BTNL2: variants seen among roughly 807,000 people sequenced by gnomAD.
BTNL2 encodes butyrophilin like 2.
A neutral mutation model predicts 46.8 loss-of-function variants in BTNL2; 46 were observed. The ratio of observed to expected loss-of-function variants is 0.98; its 90% CI spans 0.78 to 1.26. The LOEUF (loss-of-function observed/expected upper bound fraction) is 1.26, where lower values mean the gene tolerates loss of function less well. Ranked by LOEUF, BTNL2 falls within the 50% of genes most tolerant of loss-of-function variation. BTNL2 has a pLI of 0.00. For missense variants in BTNL2, 461 were observed against 592.6 expected (o/e 0.78, Z 2.31); for synonymous variants, 226 against 229.1 (o/e 0.99, Z 0.12).
At chr6:32,398,965 T>C (rs1309122379) in intron 4 of BTNL2, among the ~76,000 whole-genome samples, 1 of 152,274 alleles carries the variant, frequency 6.6e-6, no homozygotes. Context: ...ATGTGCAGGA[T>C]GTGCAGGTTT....
At position 32,396,800 on chromosome 6, in the gene BTNL2, G is replaced by A. The variant is rs569684341; in HGVS notation, c.731-414C>T. On this transcript the variant is annotated intron_variant, in intron 4 of 7. Transcript: ENST00000454136. This position sits in a 1 kb window ranked among gnomAD's most constrained non-coding sequence, Gnocchi z 4.4. Reference sequence around the variant, plus strand: ...GTTCAAGACCAGCCTGGCCAACATGGTGAAACCCCGTCTCTACAGAAATAC... The same window carrying A: ...GTTCAAGACCAGCCTGGCCAACATGATGAAACCCCGTCTCTACAGAAATAC... Among the ~76,000 whole-genome samples the A allele has an allele frequency of 6.6e-6, 1 of 152,030 alleles. No homozygotes were observed. Among genetic ancestry groups the A allele is most frequent in the East Asian group, 2.0e-4 (1 of 5,068 alleles).
At chr6:32,400,388 G>A (rs1032931923) in intron 4 of BTNL2, among the ~76,000 whole-genome samples, 2 of 152,130 alleles carry the variant, frequency 1.3e-5, no homozygotes, top group South Asian at 4.1e-4. Flanking sequence ...ACTTGATGGA[G>A]AGCAAGGAAT....
At chr6:32,406,973 T>C (rs569853075) in intron 1 of BTNL2, 72 bp downstream of exon 1, 1 of 1,433,990 alleles carries the variant, frequency 7.0e-7, no homozygotes, top group South Asian at 1.2e-5. Context: ...TTAGATGTTG[T>C]TCTCGACCTT....
intron 2 of BTNL2, among the ~76,000 whole-genome samples, chr6:32,404,335 A>C (rs73400869): frequency 3.3e-5 from 5 of 152,050 alleles, no homozygotes; most frequent in African/African-American, 9.7e-5. Context: ...CTTCTTCCCT[A>C]CTCCTTCCTG....
At position 32,407,012 on chromosome 6, in the gene BTNL2, A is replaced by G. The variant is rs1395642419; in HGVS notation, c.79+33T>C. The G allele has an allele frequency of 2.5e-6, 4 of 1,598,876 alleles. No individual in the cohort carries two copies. The African/African-American group carries it at 5.4e-5, about 21-fold the overall frequency. ...ACCCAGACTAGCTCACTGGGACATT[A>G]GACTATACAGTAAAGGGAGAAGGGA... is the stretch of plus-strand genomic sequence containing the variant. On this transcript the variant is annotated intron_variant, in intron 1 of 7. Coordinates refer to ENST00000454136, the MANE Select transcript of BTNL2 (RefSeq NM_001304561.2).
Position 32,405,012 on chromosome 6 carries a change from G to A in BTNL2, c.354C>T (p.Asp118=), listed in dbSNP as rs1190547172. Residue 118 remains aspartate (D), a synonymous_variant, in exon 2 of 8, where the codon GAC becomes GAT. Transcript: ENST00000454136. ...ALKIHNIQPS[D]NGQYWCHFQD... ...GGAAATGGCACCAGTATTGTCCATT[G>A]TCGGAGGGCTGGATGTTGTGTATCT... The A allele has an allele frequency of 3.1e-6, 5 of 1,613,076 alleles. No individual in the cohort carries two copies. In the East Asian group the frequency reaches 1.1e-4, roughly 36 times the overall value.
intron 1 of BTNL2, chr6:32,406,206 T>C (rs1162634449): frequency 1.3e-5 from 2 of 152,328 alleles, no homozygotes; most frequent in African/African-American, 2.4e-5. Context: ...AGAGCCTAAG[T>C]GGAGATCTGC....
intron 2 of BTNL2, 100 bp from the exon 3 acceptor site, chr6:32,403,316 G>C: frequency 7.4e-7 from 1 of 1,350,436 alleles, no homozygotes. Flanking sequence ...GGTGGCCGGA[G>C]TTCAGGAGTC....
chr6:32,401,025 G>A lies in BTNL2; in HGVS notation c.730+760C>T, dbSNP rs1190869532. Among the ~76,000 whole-genome samples, 2 of 139,542 alleles carry A rather than the reference G, an allele frequency of 1.4e-5. 1 individual carries two copies. Among genetic ancestry groups the A allele is most frequent in the Admixed American group, 1.5e-4 (2 of 13,536 alleles). 91.5% of individuals were successfully genotyped at this position (139,542 alleles called of 152,430 possible). ...AGATCGAGACCATCCTGGCTAACACGGTGAAATCTCGTCTCTACTAAAAAT... is the reference window on the plus strand; with the variant it reads ...AGATCGAGACCATCCTGGCTAACACAGTGAAATCTCGTCTCTACTAAAAAT... On this transcript the variant is annotated intron_variant, in intron 4 of 7. Coordinates refer to ENST00000454136, the MANE Select transcript of BTNL2 (RefSeq NM_001304561.2).
In BTNL2 at chr6:32,403,223, A is replaced by G; in HGVS notation, c.428-7T>C. ...CTAGGGGCAGACCCCAGACCTGCAG[A>G]GGGAAGCCACAGCTCTGACACCCAG... On this transcript the variant is annotated splice_region_variant and splice_polypyrimidine_tract_variant and intron_variant, in intron 2 of 7. Coordinates refer to ENST00000454136, the MANE Select transcript of BTNL2 (RefSeq NM_001304561.2). 1 of 1,596,012 alleles carries G rather than the reference A, an allele frequency of 6.3e-7. No individual in the cohort carries two copies. Among genetic ancestry groups the G allele is most frequent in the African/African-American group, 1.3e-5 (1 of 74,582 alleles).
chr6:32,401,735 G>T, intron 4 of BTNL2, 50 bp downstream of exon 4: 1 of 1,556,114 alleles, frequency 6.4e-7, no homozygotes, highest in Non-Finnish European at 8.8e-7. Context: ...CCCTCTGCTG[G>T]GGAGGGCAGA....
At chr6:32,397,680 A>G (rs2150311640) in intron 4 of BTNL2, among the ~76,000 whole-genome samples, 1 of 152,342 alleles carries the variant, frequency 6.6e-6, no homozygotes, top group Non-Finnish European at 1.5e-5. Flanking sequence ...GTTGAACAAA[A>G]TAGTTTGCAT....
At position 32,397,830 on chromosome 6, in the gene BTNL2, T is replaced by C. The variant is rs552219087; in HGVS notation, c.731-1444A>G. The stretch of plus-strand genomic sequence containing the variant: ...GTCTCATGTGGACTTTTGGTAATGA[T>C]ATTTGAAGAAGCTTTCCTCTAGGTG... On this transcript the variant is annotated intron_variant, in intron 4 of 7. Coordinates refer to ENST00000454136, the MANE Select transcript of BTNL2 (RefSeq NM_001304561.2). Among the ~76,000 whole-genome samples the C allele has an allele frequency of 8.9e-4, 136 of 152,328 alleles. 1 individual carries two copies. Among genetic ancestry groups the C allele is most frequent in the African/African-American group, 2.9e-3 (120 of 41,574 alleles).
At chr6:32,405,807 GTT>G (rs56858224) in intron 1 of BTNL2, among the ~76,000 whole-genome samples, 18,483 of 127,862 alleles carry the variant, frequency 0.14, 1,361 homozygotes, top group East Asian at 0.36. Flanking sequence ...TATAAAAACT[GTT>G]TTTTTTTTGT....
chr6:32,395,342 T>C (rs550462634), intron 5 of BTNL2, among the ~76,000 whole-genome samples: 2 of 152,326 alleles, frequency 1.3e-5, no homozygotes, highest in African/African-American at 2.4e-5. Flanking sequence ...AGGATTAACA[T>C]ACGGAGTAGG....
At chr6:32,402,448 T>TC (rs58781472) in intron 3 of BTNL2, among the ~76,000 whole-genome samples, 2,602 of 152,196 alleles carry the variant, frequency 0.017, 70 homozygotes, top group East Asian at 0.1. Flanking sequence ...AATATCTTTT[T>TC]ATTAATGCTA....
At chr6:32,400,357 T>C (rs117265450) in intron 4 of BTNL2, among the ~76,000 whole-genome samples, 2,667 of 152,210 alleles carry the variant, frequency 0.018, 79 homozygotes, top group East Asian at 0.11. Context: ...CACACATGGA[T>C]ACACATTCCT....
chr6:32,394,800 C>G lies in BTNL2; in HGVS notation c.1304G>C (p.Cys435Ser). The stretch of plus-strand genomic sequence containing the variant: ...GCCCAAAAAGGGGATGCTGATGGAA[C>G]AAGTGACGTCCACAGCGGAGATGTT... ...VTNISAVDVT[C>S]SISIPFLGEE... Residue 435 changes from cysteine to serine, a missense_variant, in exon 6 of 8, where the codon TGT (cysteine) becomes TCT (serine). Physicochemically the swap from Cys to Ser is moderately radical, Grantham distance 112. Coordinates refer to ENST00000454136, the MANE Select transcript of BTNL2 (RefSeq NM_001304561.2). The surrounding 1 kb of genome is among the most constrained non-coding windows in gnomAD (Gnocchi z 4.6). 6.2e-7 allele frequency: 1 copy of G among 1,614,162 alleles called. No homozygotes were observed. Among genetic ancestry groups the G allele is most frequent in the Non-Finnish European group, 8.5e-7 (1 of 1,179,996 alleles).
chr6:32,403,015 T>C lies in BTNL2; in HGVS notation c.629A>G (p.Asn210Ser). The C allele has an allele frequency of 5.0e-6, 8 of 1,612,812 alleles. No homozygotes were observed. The highest frequency in any genetic ancestry group is 6.8e-6 in the Non-Finnish European group (8 of 1,179,902). Reference sequence around the variant, plus strand: ...GCAGGACACAGACTCTGCAGAGGCGTTCCTGACCACCAGGGTGGCTTCCGC... The same window carrying C: ...GCAGGACACAGACTCTGCAGAGGCGCTCCTGACCACCAGGGTGGCTTCCGC... Reference protein sequence around the residue: ...FYAEATLVVRNASAESVSCLV... With the variant: ...FYAEATLVVRSASAESVSCLV... The change falls in exon 3 of 8, where the codon AAC becomes AGC. Residue 210 changes from asparagine to serine, a missense_variant. Coordinates refer to ENST00000454136, the MANE Select transcript of BTNL2 (RefSeq NM_001304561.2).
Sources: allele counts gnomAD v4.1 joint callset (sites outside exome capture counted in the v4.1 genomes callset), GRCh38; gene constraint gnomAD v4.1.1; non-coding constraint Gnocchi (gnomAD v3.1); transcripts MANE v1.5; gene names NCBI Gene and HGNC (gene_info 2026-07-23, HGNC 2026-07-21).